The following CALN1 variants were observed in gnomAD, a reference collection of about 807,000 sequenced individuals.
CALN1 encodes the protein calcium-binding protein 8.
In CALN1, 17 loss-of-function variants were observed where a neutral mutation model predicts 30.6. The observed-to-expected ratio is 0.56, with a 90% CI of 0.38 to 0.83. CALN1 has a LOEUF of 0.83. Ranked by LOEUF, CALN1 falls within the 40% of genes least tolerant of loss-of-function variation. The pLI is 0.00. For missense variants in CALN1, 291 were observed against 354.9 expected (o/e 0.82, Z 1.45); for synonymous variants, 156 against 131.4 (o/e 1.19, Z -1.28).
At chr7:72,256,019 C>G (rs188787276) in intron 3 of CALN1, among the ~76,000 whole-genome samples, 1 of 152,316 alleles carries the variant, frequency 6.6e-6, no homozygotes, top group African/African-American at 2.4e-5. Flanking sequence ...TGAGCCACCG[C>G]GCCCTGCCTA....
upstream of CALN1, among the ~76,000 whole-genome samples, chr7:72,449,647 A>C (rs570178855): frequency 6.6e-6 from 1 of 152,040 alleles, no homozygotes; most frequent in African/African-American, 2.4e-5. Context: ...CCAAGGTGGG[A>C]GGATCACGAG....
intron 5 of CALN1, among the ~76,000 whole-genome samples, chr7:71,850,991 T>C (rs1376981888): frequency 6.6e-6 from 1 of 152,096 alleles, no homozygotes; most frequent in East Asian, 1.9e-4. Context: ...GGTGGGAGGA[T>C]TGCTTGAAGC....
At chr7:72,285,484 C>T (rs1427449078) in intron 2 of CALN1, among the ~76,000 whole-genome samples, 2 of 152,128 alleles carry the variant, frequency 1.3e-5, no homozygotes, top group Admixed American at 6.5e-5. Context: ...ACCTTGTGAT[C>T]TGCCCGCCTC....
chr7:71,820,977 C>T (rs570465647), intron 5 of CALN1, among the ~76,000 whole-genome samples: 1 of 152,178 alleles, frequency 6.6e-6, no homozygotes, highest in East Asian at 1.9e-4. Context: ...TCCAGGGAGA[C>T]ACCTGGGTTT....
chr7:72,452,033 A>T (rs1808677079), upstream of CALN1, among the ~76,000 whole-genome samples: 1 of 152,222 alleles, frequency 6.6e-6, no homozygotes, highest in South Asian at 2.1e-4. Flanking sequence ...AAAGGAAAAG[A>T]AACTTCACTT....
intron 3 of CALN1, among the ~76,000 whole-genome samples, chr7:72,175,471 G>A (rs1236741167): frequency 2.0e-5 from 3 of 152,148 alleles, no homozygotes; most frequent in African/African-American, 7.2e-5. Flanking sequence ...CATCATGACT[G>A]TCCTCAGATG....
intron 5 of CALN1, among the ~76,000 whole-genome samples, chr7:72,010,407 G>A (rs918744567): frequency 2.6e-5 from 4 of 152,120 alleles, no homozygotes; most frequent in African/African-American, 7.2e-5. Flanking sequence ...TACTGCAGCC[G>A]AAACCACCTA....
chr7:72,038,720 G>A (rs769673507), intron 4 of CALN1, among the ~76,000 whole-genome samples: 1 of 152,104 alleles, frequency 6.6e-6, no homozygotes, highest in Non-Finnish European at 1.5e-5. Context: ...AAACCAAGAT[G>A]GCAACGAGAG....
chr7:72,305,314 T>C (rs2129555933), intron 2 of CALN1, among the ~76,000 whole-genome samples: 1 of 152,328 alleles, frequency 6.6e-6, no homozygotes, highest in African/African-American at 2.4e-5. Context: ...TGGCAGGTGA[T>C]TTTGAGTTGT....
chr7:72,393,247 C>T (rs183354211), intron 2 of CALN1, among the ~76,000 whole-genome samples: 3 of 152,224 alleles, frequency 2.0e-5, no homozygotes, highest in Admixed American at 2.0e-4. Flanking sequence ...GCGTGTGGAT[C>T]ATGAGGCCAG....
intron 2 of CALN1, among the ~76,000 whole-genome samples, chr7:72,313,010 T>C (rs1230810663): frequency 6.6e-6 from 1 of 152,138 alleles, no homozygotes; most frequent in East Asian, 1.9e-4. Context: ...AATTTTTGTG[T>C]TTTTAGTAGA....
chr7:72,128,284 G>A (rs980081423), intron 3 of CALN1, among the ~76,000 whole-genome samples: 1 of 152,142 alleles, frequency 6.6e-6, no homozygotes, highest in African/African-American at 2.4e-5. Flanking sequence ...AAATTGGTCT[G>A]TATGCATGCA....
At chr7:72,205,566 A>ATATACACACATATATATATATACG (rs1169550933) in intron 3 of CALN1, among the ~76,000 whole-genome samples, 7 of 115,612 alleles carry the variant, frequency 6.1e-5, no homozygotes, top group African/African-American at 2.6e-4. Context: ...ATATATATAT[A>ATATACACACATATATATATATACG]TGTATATATA....
At chr7:71,849,230 C>T (rs761592041) in intron 5 of CALN1, among the ~76,000 whole-genome samples, 14 of 152,078 alleles carry the variant, frequency 9.2e-5, no homozygotes, top group Non-Finnish European at 2.1e-4. Context: ...GGCAGTTGCC[C>T]CAATTGTATT....
At chr7:71,901,450 A>G (rs890890340) in intron 5 of CALN1, among the ~76,000 whole-genome samples, 1 of 151,640 alleles carries the variant, frequency 6.6e-6, no homozygotes. Flanking sequence ...AAATAGAGCC[A>G]GAATAGCCAA....
upstream of CALN1, among the ~76,000 whole-genome samples, chr7:72,413,229 ACACT>A (rs1318776764): frequency 4.7e-5 from 7 of 148,282 alleles, no homozygotes; most frequent in Non-Finnish European, 1.0e-4. Context: ...ACACACATAT[ACACT>A]CACACACACC....
chr7:71,846,184 A>G (rs1790222343), intron 5 of CALN1, among the ~76,000 whole-genome samples: 1 of 152,220 alleles, frequency 6.6e-6, no homozygotes, highest in Non-Finnish European at 1.5e-5. Flanking sequence ...ATACACCAAC[A>G]AAGAATCGCC....
chr7:72,125,209 T>A (rs1477258153), intron 3 of CALN1, among the ~76,000 whole-genome samples: 1 of 152,118 alleles, frequency 6.6e-6, no homozygotes, highest in East Asian at 1.9e-4. Flanking sequence ...GAGATGGGGT[T>A]TCATCATGTT....
intron 3 of CALN1, among the ~76,000 whole-genome samples, chr7:72,275,198 A>G (rs1350638194): frequency 6.6e-6 from 1 of 152,092 alleles, no homozygotes. Flanking sequence ...CCAGACCACA[A>G]AGGATGCTGC....
Sources: allele counts gnomAD v4.1 joint callset (sites outside exome capture counted in the v4.1 genomes callset), GRCh38; gene constraint gnomAD v4.1.1; transcripts MANE v1.5; gene names NCBI Gene and HGNC (gene_info 2026-07-23, HGNC 2026-07-21).